Variants in HECW2 observed in about 807,000 individuals in gnomAD.
The protein encoded by HECW2 is E3 ubiquitin-protein ligase HECW2.
A neutral mutation model predicts 175.2 loss-of-function variants in HECW2; 61 were observed. The ratio of observed to expected loss-of-function variants is 0.35; its 90% CI spans 0.28 to 0.43. The LOEUF (loss-of-function observed/expected upper bound fraction) is 0.43. HECW2 is among the 20% of genes least tolerant of loss of function. HECW2 has a pLI of 1.00. For missense variants in HECW2, 1,524 were observed against 2,000.5 expected (o/e 0.76, Z 4.54); for synonymous variants, 671 against 731.0 (o/e 0.92, Z 1.32).
intron 21 of HECW2, among the ~76,000 whole-genome samples, chr2:196,233,963 G>A (rs1253562027): frequency 6.6e-6 from 1 of 152,132 alleles, no homozygotes; most frequent in Non-Finnish European, 1.5e-5. Flanking sequence ...TCTCAGGGGA[G>A]TTACAGAAAG....
Position 196,320,029 on chromosome 2 carries a change from T to C in HECW2, c.986-125A>G, listed in dbSNP as rs187644958. On this transcript the variant is annotated intron_variant, in intron 8 of 28. Coordinates refer to ENST00000644978, the MANE Select transcript of HECW2 (RefSeq NM_001348768.2). ...TCATTCTGAGGGCTTTCTACTGACT[T>C]GCTAAGATTCACCACTCACTACTAA... 2.8e-5 allele frequency: 28 copies of C among 990,674 alleles called. No individual in the cohort carries two copies. The Admixed American group carries it at 6.3e-4, about 22-fold the overall frequency. The allele number at this position is 990,674 out of a possible 1,614,324, so 61.4% of individuals were successfully genotyped here. A position where few individuals can be genotyped will look rare whatever the true frequency, so the allele number is the denominator to read the frequency against.
rs71410611 is a variant in HECW2 at position 196,369,342 on chromosome 2, G to GTCTCTCTCTCTCTCTCTCTC, written c.293-25598_293-25579dup. ...CCCTTACTCCTCCTAAACAAATGGA[G>GTCTCTCTCTCTCTCTCTCTC]TCTCTCTCTCTCTCTCTCTCTCTCT... is the stretch of plus-strand genomic sequence containing the variant. On this transcript the variant is annotated intron_variant, in intron 2 of 28. Coordinates refer to ENST00000644978, the MANE Select transcript of HECW2 (RefSeq NM_001348768.2). 1.6e-3 allele frequency among the ~76,000 whole-genome samples: 210 copies of GTCTCTCTCTCTCTCTCTCTC among 131,530 alleles called. 4 individuals carry two copies. The highest frequency in any genetic ancestry group is 2.4e-3 in the African/African-American group (78 of 33,144). The allele number at this position is 131,530 out of a possible 152,430, so 86.3% of individuals were successfully genotyped here. A position where few individuals can be genotyped will look rare whatever the true frequency, so the allele number is the denominator to read the frequency against.
chr2:196,317,799 A>G (rs1691758928), intron 9 of HECW2, among the ~76,000 whole-genome samples: 1 of 152,220 alleles, frequency 6.6e-6, no homozygotes, highest in African/African-American at 2.4e-5. Context: ...CCAGCCAGAC[A>G]TATGAAATTG....
At chr2:196,472,608 C>CT (rs1263561270) in intron 1 of HECW2, among the ~76,000 whole-genome samples, 6 of 150,542 alleles carry the variant, frequency 4.0e-5, no homozygotes, top group African/African-American at 7.3e-5. Flanking sequence ...AGGAAGATGA[C>CT]TTTTTTTTCT....
Position 196,257,830 on chromosome 2 carries a change from A to G in HECW2, c.3412T>C (p.Leu1138=). 1 of 1,612,806 alleles carries G rather than the reference A, an allele frequency of 6.2e-7. No individual in the cohort carries two copies. The highest frequency in any genetic ancestry group is 8.5e-7 in the Non-Finnish European group (1 of 1,178,812). Residue 1138 remains leucine, a synonymous_variant, in exon 18 of 29, where the codon TTG becomes CTG. Coordinates refer to ENST00000644978, the MANE Select transcript of HECW2 (RefSeq NM_001348768.2). ...RLSSDADLVM[L]LSLFEEEIMS... is the part of the protein sequence containing the mutation. ...TGAGTGTTACGTATGTACCTCAGCA[A>G]CATAACAAGGTCTGCATCGCTTGAA...
intron 2 of HECW2, among the ~76,000 whole-genome samples, chr2:196,395,447 T>C (rs1486836337): frequency 3.3e-5 from 5 of 152,084 alleles, no homozygotes; most frequent in East Asian, 1.9e-4. Context: ...GAGAAAATAT[T>C]TGCAAATCAT....
intron 17 of HECW2, among the ~76,000 whole-genome samples, chr2:196,266,021 T>C (rs1689499239): frequency 6.6e-6 from 1 of 152,106 alleles, no homozygotes; most frequent in Non-Finnish European, 1.5e-5. Context: ...CATTACTATG[T>C]GGTGTCAATA....
At chr2:196,330,497 C>A (rs144678199) in intron 4 of HECW2, among the ~76,000 whole-genome samples, 60 of 152,292 alleles carry the variant, frequency 3.9e-4, no homozygotes, top group African/African-American at 1.4e-3. Context: ...CTTGAGCAAA[C>A]TTTACTCAGG....
intron 19 of HECW2, among the ~76,000 whole-genome samples, chr2:196,250,638 C>G (rs911569394): frequency 6.6e-6 from 1 of 152,112 alleles, no homozygotes; most frequent in Non-Finnish European, 1.5e-5. Flanking sequence ...GTGTCATACA[C>G]TTCTTTCAGC....
chr2:196,350,292 G>A (rs1693124257), intron 2 of HECW2, among the ~76,000 whole-genome samples: 1 of 152,180 alleles, frequency 6.6e-6, no homozygotes, highest in African/African-American at 2.4e-5. Flanking sequence ...TTGAACCTGG[G>A]AGGTGGAGGT....
At chr2:196,395,175 G>A (rs4850705) in intron 2 of HECW2, among the ~76,000 whole-genome samples, 152,192 of 152,320 alleles carry the variant, frequency 1, 76,032 homozygotes, top group East Asian at 1. Flanking sequence ...AGACCATAGC[G>A]GACTTCTACA....
chr2:196,259,402 C>T (rs1181983326), intron 17 of HECW2, among the ~76,000 whole-genome samples: 1 of 152,192 alleles, frequency 6.6e-6, no homozygotes, highest in African/African-American at 2.4e-5. Flanking sequence ...ATAGAAAAGT[C>T]AATGGATTTG....
chr2:196,561,631 G>A (rs1226997650), intron 1 of HECW2, among the ~76,000 whole-genome samples: 2 of 151,960 alleles, frequency 1.3e-5, no homozygotes, highest in East Asian at 1.9e-4. Flanking sequence ...TTTCTCTTTT[G>A]TACTCTTTCC....
chr2:196,302,797 C>T (rs1246411645), intron 13 of HECW2, among the ~76,000 whole-genome samples: 1 of 152,210 alleles, frequency 6.6e-6, no homozygotes, highest in East Asian at 1.9e-4. Context: ...TGCTTATCAG[C>T]TTAAGAATCT....
At chr2:196,470,432 A>T (rs1312779731) in intron 1 of HECW2, among the ~76,000 whole-genome samples, 2 of 152,230 alleles carry the variant, frequency 1.3e-5, no homozygotes, top group Non-Finnish European at 2.9e-5. Context: ...CCTAAATAAT[A>T]TTGCTTTATG....
chr2:196,574,362 A>G (rs1167122705), intron 1 of HECW2, among the ~76,000 whole-genome samples: 1 of 152,048 alleles, frequency 6.6e-6, no homozygotes. Flanking sequence ...CTCAGGAGGC[A>G]GAGGTTGCGG....
chr2:196,296,609 C>T (rs1287459905), intron 13 of HECW2, among the ~76,000 whole-genome samples: 1 of 152,156 alleles, frequency 6.6e-6, no homozygotes, highest in Non-Finnish European at 1.5e-5. Flanking sequence ...ATGTGCTAAG[C>T]CCTGTGCTAA....
At chr2:196,212,340 T>C (rs894348567) in intron 28 of HECW2, among the ~76,000 whole-genome samples, 1 of 152,116 alleles carries the variant, frequency 6.6e-6, no homozygotes, top group African/African-American at 2.4e-5. Flanking sequence ...CCTGATCCTT[T>C]CCCTCCTCTG....
chr2:196,541,152 G>A (rs1013715676), intron 1 of HECW2, among the ~76,000 whole-genome samples: 1 of 152,062 alleles, frequency 6.6e-6, no homozygotes, highest in Non-Finnish European at 1.5e-5. Flanking sequence ...CGGCTCTGCA[G>A]ACTGCCTGTG....
Sources: allele counts gnomAD v4.1 joint callset (sites outside exome capture counted in the v4.1 genomes callset), GRCh38; gene constraint gnomAD v4.1.1; transcripts MANE v1.5; gene names NCBI Gene and HGNC (gene_info 2026-07-23, HGNC 2026-07-21).